The following EPN2 variants were observed in gnomAD, a reference collection of about 807,000 sequenced individuals.
EPN2 encodes epsin 2.
EPN2 carries 34 observed loss-of-function variants against 61.7 expected under a neutral mutation model. The observed-to-expected ratio is 0.55, with a 90% CI of 0.42 to 0.73. EPN2 has a LOEUF of 0.73. Ranked by LOEUF, EPN2 falls within the 30% of genes least tolerant of loss-of-function variation. The probability of loss-of-function intolerance (pLI) is 0.00; values close to 1 mark genes in which losing one functional copy is unlikely to be tolerated. For missense variants in EPN2, 714 were observed against 839.2 expected, an observed-to-expected ratio of 0.85 and a Z score of 1.84; for synonymous variants, 349 against 353.6, an observed-to-expected ratio of 0.99 and a Z score of 0.15.
rs2045477121 is a variant in EPN2 at position 19,292,669 on chromosome 17, T to C, written c.766+6879T>C. Among the ~76,000 whole-genome samples the C allele has an allele frequency of 2.0e-5, 3 of 152,242 alleles. 1 individual carries two copies. In the South Asian group the frequency reaches 6.2e-4, roughly 31 times the overall value. The stretch of plus-strand genomic sequence containing the variant: ...AGATGCTCGTTCTTGCCACAAGGGC[T>C]TGGGTTTTAAGTGGGATTTGAATGT... On this transcript the variant is annotated intron_variant, in intron 4 of 10. Coordinates refer to ENST00000314728, the MANE Select transcript of EPN2 (RefSeq NM_014964.5).
chr17:19,336,661 G>T lies in EPN2; in HGVS notation c.*2407G>T, dbSNP rs1172648906. 1 of 152,644 alleles carries T rather than the reference G, an allele frequency of 6.6e-6. No individual in the cohort carries two copies. The highest frequency in any genetic ancestry group is 1.5e-5 in the Non-Finnish European group (1 of 68,060). The allele number at this position is 152,644 out of a possible 1,614,324, so 9.5% of individuals were successfully genotyped here. A position where few individuals can be genotyped will look rare whatever the true frequency, so the allele number is the denominator to read the frequency against. On this transcript the variant is annotated 3_prime_UTR_variant, in exon 11 of 11. Coordinates refer to ENST00000314728, the MANE Select transcript of EPN2 (RefSeq NM_014964.5). ...GGCCGGTGGCTGGTTTTGAACTTGT[G>T]TTGACTGTTGATACTTATTTACTGT...
At chr17:19,258,633 TA>T (rs542825110) in intron 1 of EPN2, among the ~76,000 whole-genome samples, 87 of 152,310 alleles carry the variant, frequency 5.7e-4, no homozygotes, top group African/African-American at 1.9e-3. Context: ...ACTCAGCAGC[TA>T]ACTGTGATTT....
intron 7 of EPN2, among the ~76,000 whole-genome samples, chr17:19,318,231 A>G (rs1476403327): frequency 6.6e-6 from 1 of 152,108 alleles, no homozygotes; most frequent in Admixed American, 6.5e-5. Context: ...GCTGTGACCA[A>G]CTTTGTCTGT....
chr17:19,246,219 G>A (rs952916624), intron 1 of EPN2, among the ~76,000 whole-genome samples: 1 of 152,144 alleles, frequency 6.6e-6, no homozygotes. Flanking sequence ...TTAGCTGGGC[G>A]TGGTGGCGCA....
At chr17:19,251,376 G>T (rs946037971) in intron 1 of EPN2, among the ~76,000 whole-genome samples, 2 of 152,112 alleles carry the variant, frequency 1.3e-5, no homozygotes, top group African/African-American at 4.8e-5. Flanking sequence ...CTGTGTGTTG[G>T]GTGGGGTTGT....
intron 10 of EPN2, among the ~76,000 whole-genome samples, chr17:19,332,485 G>C (rs916136386): frequency 6.6e-6 from 1 of 152,124 alleles, no homozygotes; most frequent in Non-Finnish European, 1.5e-5. Flanking sequence ...CCTTCCTCCA[G>C]GTCCCTTGCT....
chr17:19,308,428 T>TC (rs1362608406), intron 4 of EPN2: 22 of 985,334 alleles, frequency 2.2e-5, no homozygotes, highest in Non-Finnish European at 2.7e-5. Flanking sequence ...TCTGTAGTTG[T>TC]CCATCTGTCG....
intron 4 of EPN2, chr17:19,308,546 C>T: frequency 1.0e-6 from 1 of 985,352 alleles, no homozygotes. Flanking sequence ...CAGAGTCTGA[C>T]ACAGCATCAG....
chr17:19,285,796 A>G lies in EPN2; in HGVS notation c.766+6A>G. 1 of 1,574,430 alleles carries G rather than the reference A, an allele frequency of 6.4e-7. No individual in the cohort carries two copies. Among genetic ancestry groups the G allele is most frequent in the Non-Finnish European group, 8.6e-7 (1 of 1,157,606 alleles). ...TTGTGACCGCGCAGCCCGAGGTGGG[A>G]CGGCGGTTTGCTTTTTTCCTTACTA... is the stretch of plus-strand genomic sequence containing the variant. On this transcript the variant is annotated splice_donor_region_variant and intron_variant, in intron 4 of 10. Coordinates refer to ENST00000314728, the MANE Select transcript of EPN2 (RefSeq NM_014964.5). This position sits in a 1 kb window ranked among gnomAD's most constrained non-coding sequence, Gnocchi z 4.5.
intron 1 of EPN2, among the ~76,000 whole-genome samples, chr17:19,246,926 C>T (rs897290332): frequency 2.0e-5 from 3 of 152,064 alleles, no homozygotes; most frequent in Admixed American, 6.6e-5. Flanking sequence ...CGCCACCACG[C>T]CTGGCTGATT....
chr17:19,262,817 TCCACATAAATGGAGTCATACAGTG>T (rs1270175599), intron 1 of EPN2, among the ~76,000 whole-genome samples: 1 of 152,258 alleles, frequency 6.6e-6, no homozygotes, highest in Non-Finnish European at 1.5e-5. Context: ...TTCTGGACAT[TCCACATAAATGGAGTCATACAGTG>T]TGTGGGCTTT....
intron 1 of EPN2, among the ~76,000 whole-genome samples, chr17:19,263,396 A>T (rs1158828461): frequency 6.6e-6 from 1 of 152,208 alleles, no homozygotes; most frequent in Non-Finnish European, 1.5e-5. Context: ...GTAAGGAGGG[A>T]GTTCCAGGAT....
At chr17:19,274,559 G>A (rs924417729) in intron 1 of EPN2, among the ~76,000 whole-genome samples, 10 of 152,322 alleles carry the variant, frequency 6.6e-5, no homozygotes, top group African/African-American at 2.2e-4. Context: ...ACAGCCGAGC[G>A]TGATCTTCAA....
At chr17:19,247,204 A>C (rs1329826324) in intron 1 of EPN2, among the ~76,000 whole-genome samples, 1 of 152,204 alleles carries the variant, frequency 6.6e-6, no homozygotes, top group African/African-American at 2.4e-5. Context: ...GAGATGTAGA[A>C]GTATGGGCAT....
chr17:19,308,446 C>T, intron 4 of EPN2: 7 of 985,382 alleles, frequency 7.1e-6, no homozygotes, highest in Non-Finnish European at 8.4e-6. Context: ...TCGACCTGTG[C>T]ATGCACCTGT....
intron 1 of EPN2, among the ~76,000 whole-genome samples, chr17:19,238,917 G>A (rs1344206643): frequency 6.6e-6 from 1 of 152,158 alleles, no homozygotes; most frequent in Non-Finnish European, 1.5e-5. Flanking sequence ...ATATAACGAA[G>A]ATTTGGCAGA....
chr17:19,292,656 T>C (rs1296751188), intron 4 of EPN2, among the ~76,000 whole-genome samples: 1 of 152,290 alleles, frequency 6.6e-6, no homozygotes, highest in Non-Finnish European at 1.5e-5. Flanking sequence ...ATGCTCGTTC[T>C]TGCCACAAGG....
At position 19,334,272 on chromosome 17, in the gene EPN2, C is replaced by T; in HGVS notation, c.*18C>T. On this transcript the variant is annotated 3_prime_UTR_variant, in exon 11 of 11. Transcript: ENST00000314728. This position sits in a 1 kb window ranked among gnomAD's most constrained non-coding sequence, Gnocchi z 4.9. ...TTCTCTAGTGCCTGGGCCTGGGACC[C>T]ACCCAGAGCACCTGTGCTGGAGGAT... 2 of 1,422,714 alleles carry T rather than the reference C, an allele frequency of 1.4e-6. No homozygotes were observed. The highest frequency in any genetic ancestry group is 1.7e-5 in the South Asian group (1 of 60,450). The allele number at this position is 1,422,714 out of a possible 1,614,324, so 88.1% of individuals were successfully genotyped here.
rs1357860292 is a variant in EPN2 at position 19,293,498 on chromosome 17, G to T, written c.766+7708G>T. 3.3e-5 allele frequency among the ~76,000 whole-genome samples: 5 copies of T among 150,592 alleles called. 1 individual carries two copies. Among genetic ancestry groups the T allele is most frequent in the Non-Finnish European group, 5.9e-5 (4 of 67,772 alleles). ...TGATGCTCTCACCTTAACCTCCTGG[G>T]TTGCTGAGACTACAGGTGCATGCCA... On this transcript the variant is annotated intron_variant, in intron 4 of 10. Coordinates refer to ENST00000314728, the MANE Select transcript of EPN2 (RefSeq NM_014964.5).
Sources: gnomAD v4.1 joint callset for allele counts (sites outside exome capture counted in the v4.1 genomes callset) on GRCh38, gnomAD v4.1.1 for gene constraint, Gnocchi (gnomAD v3.1) non-coding constraint, MANE v1.5 for transcripts, NCBI Gene and HGNC (gene_info 2026-07-23, HGNC 2026-07-21) for gene names.